The following SLC15A3 variants were observed in gnomAD, a reference collection of about 807,000 sequenced individuals.
SLC15A3 encodes the protein solute carrier family 15 member 3.
In SLC15A3, 39 loss-of-function variants were observed where a neutral mutation model predicts 49.2. That is an observed-to-expected ratio of 0.79 (90% CI 0.61 to 1.04). The LOEUF is 1.04. Ranked by LOEUF, SLC15A3 falls within the 50% of genes least tolerant of loss-of-function variation. The pLI is 0.00. For missense variants in SLC15A3, 758 were observed against 794.8 expected (o/e 0.95, Z 0.56); for synonymous variants, 339 against 367.0 (o/e 0.92, Z 0.87).
At chr11:60,945,470 G>C (rs1040245045) in intron 2 of SLC15A3, among the ~76,000 whole-genome samples, 4 of 152,180 alleles carry the variant, frequency 2.6e-5, no homozygotes, top group Admixed American at 2.6e-4. Context: ...ACTAAGCTCT[G>C]GTGTGGTTTG....
Position 60,939,625 on chromosome 11 carries a change from C to A in SLC15A3, c.1290G>T (p.Met430Ile). ...TSVIVAGVLE[M>I]ERLHYIHHNE... ...TGTGGTGGATGTAGTGTAAGCGCTC[C>A]ATCTCCAGGACTCCTGGTGGAGGAG... The change falls in exon 6 of 8, where the codon ATG becomes ATT. Residue 430 changes from methionine (M) to isoleucine (I), a missense_variant. By Grantham distance (10) the Met-to-Ile change is conservative (BLOSUM62 1). This residue lies in a region of SLC15A3 where 699 missense variants were observed against 706.7 expected (regional missense o/e 0.99). Transcript: ENST00000227880. 1.9e-6 allele frequency: 3 copies of A among 1,614,110 alleles called. No individual in the cohort carries two copies. The highest frequency in any genetic ancestry group is 2.5e-6 in the Non-Finnish European group (3 of 1,179,988).
rs190794276 is a variant in SLC15A3, at chr11:60,943,832, G to A, written c.853C>T (p.Arg285Cys). 1.6e-5 allele frequency: 26 copies of A among 1,576,708 alleles called. No homozygotes were observed. The highest frequency in any genetic ancestry group is 4.6e-5 in the East Asian group (2 of 43,356). Residue 285 changes from arginine (R) to cysteine (C), a missense_variant, in exon 3 of 8, where the codon CGT (arginine) becomes TGT (cysteine). Around this residue, in one of 3 missense-constraint regions of SLC15A3, gnomAD observed 699 missense variants for 706.7 expected, o/e 0.99. Coordinates refer to ENST00000227880, the MANE Select transcript of SLC15A3 (RefSeq NM_016582.3). ...QLWQRHSARD[R>C]QCARVLADER... The stretch of plus-strand genomic sequence containing the variant: ...TCGGCCAGCACGCGGGCACATTGAC[G>A]GTCTCTGTGAGACCCCAGAGGCAGC...
At chr11:60,945,280 C>A (rs1296064668) in intron 2 of SLC15A3, among the ~76,000 whole-genome samples, 2 of 152,234 alleles carry the variant, frequency 1.3e-5, no homozygotes, top group African/African-American at 4.8e-5. Context: ...ACAGTCCCAT[C>A]TGAGCTCACA....
In SLC15A3 at chr11:60,942,155, G is replaced by A. The variant is rs375199620; in HGVS notation, c.997-10C>T. 1,377 of 1,612,172 alleles carry A rather than the reference G, an allele frequency of 8.5e-4. 22 individuals carry two copies. In the South Asian group the frequency reaches 0.014, roughly 16 times the overall value. Reference sequence around the variant, plus strand: ...CATAGGTGGACTGCATCTGCCAAGAGAGACAGGGGTGAGGCTGGAACAGAA... The same window carrying A: ...CATAGGTGGACTGCATCTGCCAAGAAAGACAGGGGTGAGGCTGGAACAGAA... On this transcript the variant is annotated splice_polypyrimidine_tract_variant and intron_variant, in intron 3 of 7. Coordinates refer to ENST00000227880, the MANE Select transcript of SLC15A3 (RefSeq NM_016582.3).
intron 3 of SLC15A3, 21 bp downstream of exon 3, chr11:60,943,668 A>G (rs1485133456): frequency 6.7e-7 from 1 of 1,493,042 alleles, no homozygotes; most frequent in Non-Finnish European, 9.0e-7. Flanking sequence ...GCCCCCAGAG[A>G]AAAAGGGCAG....
At position 60,951,475 on chromosome 11, in the gene SLC15A3, C is replaced by A; in HGVS notation, c.77G>T (p.Gly26Val). The change falls in exon 1 of 8, where the codon GGC (glycine) becomes GTC (valine). Residue 26 changes from glycine (G) to valine (V), a missense_variant. By Grantham distance (109) the Gly-to-Val change is moderately radical. Around this residue, in one of 3 missense-constraint regions of SLC15A3, gnomAD observed 31 missense variants for 58.4 expected, o/e 0.53. Coordinates refer to ENST00000227880, the MANE Select transcript of SLC15A3 (RefSeq NM_016582.3). Reference sequence around the variant, plus strand: ...CGCCGCCCGCCGCCACCGTCGAGGGCCCCGCGCACCGCGAGGCAGCAGCGG... The same window carrying A: ...CGCCGCCCGCCGCCACCGTCGAGGGACCCGCGCACCGCGAGGCAGCAGCGG... ...RQPLLPRGAR[G>V]PRRWRRAAGA... The A allele has an allele frequency of 2.3e-6, 3 of 1,329,890 alleles. No individual in the cohort carries two copies. The highest frequency in any genetic ancestry group is 2.9e-6 in the Non-Finnish European group (3 of 1,036,982). The allele number at this position is 1,329,890 out of a possible 1,614,324, so 82.4% of individuals were successfully genotyped here.
intron 7 of SLC15A3, 145 bp from the exon 8 acceptor site, chr11:60,937,518 A>G (rs1856637417): frequency 9.5e-7 from 1 of 1,051,122 alleles, no homozygotes; most frequent in South Asian, 1.4e-5. Context: ...ATACCCACTA[A>G]TGTTTGACTT....
Position 60,939,537 on chromosome 11 carries a change from A to G in SLC15A3, c.1378T>C (p.Trp460Arg). ...LYNAAPLSIW[W>R]QIPQYLLIGI... is the part of the protein sequence containing the mutation. ...ATGAGCAGGTACTGAGGGATCTGCCACCAGATGGACAGTGGTGCCGCGTTG... is the reference window on the plus strand; with the variant it reads ...ATGAGCAGGTACTGAGGGATCTGCCGCCAGATGGACAGTGGTGCCGCGTTG... The change falls in exon 6 of 8, where the codon TGG (tryptophan) becomes CGG (arginine). Residue 460 changes from tryptophan to arginine, a missense_variant. Trp to Arg is a moderately radical substitution (Grantham distance 101, BLOSUM62 -3). Transcript: ENST00000227880. The G allele has an allele frequency of 6.2e-7, 1 of 1,614,202 alleles. No individual in the cohort carries two copies. The highest frequency in any genetic ancestry group is 1.1e-5 in the South Asian group (1 of 91,088).
rs368122297 is a variant in SLC15A3 at position 60,951,762 on chromosome 11, ACCT to A, written c.-214_-212del. 2,130 of 174,148 alleles carry A rather than the reference ACCT, an allele frequency of 0.012. 18 individuals carry two copies. The highest frequency in any genetic ancestry group is 0.053 in the Middle Eastern group (25 of 472). 10.8% of individuals were successfully genotyped at this position (174,148 alleles called of 1,614,324 possible). On this transcript the variant is annotated 5_prime_UTR_variant, in exon 1 of 8. Coordinates refer to ENST00000227880, the MANE Select transcript of SLC15A3 (RefSeq NM_016582.3). The stretch of plus-strand genomic sequence containing the variant: ...CTCCGCTCACTACCCGGACTCTACC[ACCT>A]CCTCCCTAATTCTCAACTCCCCTCT...
Position 60,937,220 on chromosome 11 carries a change from C to A in SLC15A3, c.1745G>T (p.Ter582LeuextTer36). The change falls in exon 8 of 8, where the codon TGA (stop) becomes TTA (leucine). Residue 582 changes from the stop codon to leucine (L), a stop_lost. Transcript: ENST00000227880. Reference sequence around the variant, plus strand: ...CAAGGGGGCTGGAATAGGGCCTGTTCAGCCCCTGTCCCTGCTGAAACGGCT... The same window carrying A: ...CAAGGGGGCTGGAATAGGGCCTGTTAAGCCCCTGTCCCTGCTGAAACGGCT... ...SHSRFSRDRG[*>L] 6.2e-7 allele frequency: 1 copy of A among 1,613,670 alleles called. No homozygotes were observed. Among genetic ancestry groups the A allele is most frequent in the South Asian group, 1.1e-5 (1 of 91,048 alleles).
At chr11:60,939,735 G>A in intron 5 of SLC15A3, 97 bp from the exon 6 acceptor site, 1 of 1,421,424 alleles carries the variant, frequency 7.0e-7, no homozygotes, top group African/African-American at 1.4e-5. Flanking sequence ...TACTCATGAA[G>A]CAGCCAAAGA....
At position 60,943,837 on chromosome 11, in the gene SLC15A3, C is replaced by T; in HGVS notation, c.849-1G>A. 1 of 1,562,676 alleles carries T rather than the reference C, an allele frequency of 6.4e-7. No homozygotes were observed. The highest frequency in any genetic ancestry group is 8.7e-7 in the Non-Finnish European group (1 of 1,149,886). On this transcript the variant is annotated splice_acceptor_variant, in intron 2 of 7. Transcript: ENST00000227880. LOFTEE classifies it high-confidence loss of function. ...CAGCACGCGGGCACATTGACGGTCT[C>T]TGTGAGACCCCAGAGGCAGCAGATA...
At position 60,937,168 on chromosome 11, in the gene SLC15A3, T is replaced by A. The variant is rs778711964; in HGVS notation, c.*51A>T. ...CCGAGAAGGAAACCAGAGCTGGGAC[T>A]GCTGCCGTCTGTCCGGTAGAGTGAA... On this transcript the variant is annotated 3_prime_UTR_variant, in exon 8 of 8. Coordinates refer to ENST00000227880, the MANE Select transcript of SLC15A3 (RefSeq NM_016582.3). 3.8e-6 allele frequency: 6 copies of A among 1,572,848 alleles called. No individual in the cohort carries two copies. In the African/African-American group the frequency reaches 6.8e-5, roughly 18 times the overall value.
chr11:60,945,901 G>A (rs771668069), intron 2 of SLC15A3, among the ~76,000 whole-genome samples: 4 of 152,202 alleles, frequency 2.6e-5, no homozygotes, highest in Non-Finnish European at 4.4e-5. Context: ...CATTGCCAAT[G>A]TTTGTGTCTT....
chr11:60,937,167 C>T lies in SLC15A3; in HGVS notation c.*52G>A. 1 of 1,572,056 alleles carries T rather than the reference C, an allele frequency of 6.4e-7. No individual in the cohort carries two copies. The stretch of plus-strand genomic sequence containing the variant: ...ACCGAGAAGGAAACCAGAGCTGGGA[C>T]TGCTGCCGTCTGTCCGGTAGAGTGA... On this transcript the variant is annotated 3_prime_UTR_variant, in exon 8 of 8. Transcript: ENST00000227880.
chr11:60,949,832 A>G (rs1856882222), intron 1 of SLC15A3, among the ~76,000 whole-genome samples: 1 of 152,246 alleles, frequency 6.6e-6, no homozygotes, highest in Non-Finnish European at 1.5e-5. Flanking sequence ...ATCTTTTTCC[A>G]GTTTCCTTTC....
chr11:60,938,667 T>C (rs1856662700), intron 6 of SLC15A3, among the ~76,000 whole-genome samples: 2 of 152,130 alleles, frequency 1.3e-5, no homozygotes, highest in Non-Finnish European at 2.9e-5. Flanking sequence ...GCACCTCCCA[T>C]GCCTCTCCAG....
At chr11:60,937,430 T>C in intron 7 of SLC15A3, 57 bp from the exon 8 acceptor site, 1 of 1,605,728 alleles carries the variant, frequency 6.2e-7, no homozygotes. Flanking sequence ...TCTTGCGCCC[T>C]GTGCCTGCCG....
At position 60,948,778 on chromosome 11, in the gene SLC15A3, C is replaced by T. The variant is rs150638454; in HGVS notation, c.559-1957G>A. 2.7e-3 allele frequency among the ~76,000 whole-genome samples: 409 copies of T among 152,254 alleles called. 3 individuals are homozygous for T. The highest frequency in any genetic ancestry group is 9.2e-3 in the African/African-American group (382 of 41,536). ...AGTTCGTGCCCAGCCAAGGGGAGAA[C>T]GTACAGGAGCTTCTGGCCCTGTTGA... On this transcript the variant is annotated intron_variant, in intron 1 of 7. Transcript: ENST00000227880.
Sources: gnomAD v4.1 joint callset for allele counts (sites outside exome capture counted in the v4.1 genomes callset) on GRCh38, gnomAD v4.1.1 for gene constraint, gnomAD v4.1.1 regional missense constraint, MANE v1.5 for transcripts, NCBI Gene and HGNC (gene_info 2026-07-23, HGNC 2026-07-21) for gene names.